Variants in CCDC175 observed in about 807,000 individuals in gnomAD.
CCDC175 encodes the protein coiled-coil domain containing 175.
A neutral mutation model predicts 114.6 loss-of-function variants in CCDC175; 100 were observed. The observed-to-expected ratio is 0.87, with a 90% CI of 0.74 to 1.03. The LOEUF (loss-of-function observed/expected upper bound fraction) is 1.03. CCDC175 is among the 50% of genes least tolerant of loss of function. The probability of loss-of-function intolerance (pLI) is 0.00; values close to 1 mark genes in which losing one functional copy is unlikely to be tolerated. For missense variants in CCDC175, 880 were observed against 917.8 expected, an observed-to-expected ratio of 0.96 and a Z score of 0.53; for synonymous variants, 306 against 308.7, an observed-to-expected ratio of 0.99 and a Z score of 0.09.
At chr14:59,576,565 C>T (rs763883386) in intron 1 of CCDC175, 54 bp downstream of exon 1, 7 of 1,362,328 alleles carry the variant, frequency 5.1e-6, no homozygotes, top group Non-Finnish European at 6.6e-6. Flanking sequence ...CTGAGTGCCT[C>T]CTAAGCGCCA....
intron 17 of CCDC175, among the ~76,000 whole-genome samples, chr14:59,518,776 T>C (rs1190216599): frequency 3.3e-5 from 5 of 152,134 alleles, no homozygotes; most frequent in African/African-American, 1.2e-4. Flanking sequence ...CTCAGGGATC[T>C]AGAACTAGAA....
At chr14:59,550,824 G>A (rs1242798429) in intron 8 of CCDC175, among the ~76,000 whole-genome samples, 1 of 152,164 alleles carries the variant, frequency 6.6e-6, no homozygotes, top group African/African-American at 2.4e-5. Flanking sequence ...TGCCCACCCA[G>A]ATTAAGGGTG....
rs1281562610 is a variant in CCDC175, at chr14:59,521,646, T to C, written c.2026A>G (p.Lys676Glu). 2 of 1,532,650 alleles carry C rather than the reference T, an allele frequency of 1.3e-6. No homozygotes were observed. Among genetic ancestry groups the C allele is most frequent in the African/African-American group, 2.7e-5 (2 of 72,886 alleles). 94.9% of individuals were successfully genotyped at this position (1,532,650 alleles called of 1,614,324 possible). A position where few individuals can be genotyped will look rare whatever the true frequency, so the allele number is the denominator to read the frequency against. ...AGGGCTTCTTGTCCTTCTCTGTATTTCTCTATGTTATTCTTCAAGTATAAA... is the reference window on the plus strand; with the variant it reads ...AGGGCTTCTTGTCCTTCTCTGTATTCCTCTATGTTATTCTTCAAGTATAAA... ...YILYLKNNIE[K>E]YREGQEALMH... is the part of the protein sequence containing the mutation. The change falls in exon 17 of 20, where the codon AAA (lysine) becomes GAA (glutamate). Residue 676 changes from lysine to glutamate, a missense_variant. By Grantham distance (56) the Lys-to-Glu change is moderately conservative. Transcript: ENST00000537690.
intron 17 of CCDC175, among the ~76,000 whole-genome samples, chr14:59,512,598 A>G (rs150194488): frequency 6.6e-6 from 1 of 152,318 alleles, no homozygotes; most frequent in African/African-American, 2.4e-5. Flanking sequence ...GAGTCCTGTG[A>G]ATCATTTTAG....
chr14:59,555,109 T>C (rs1034535341), intron 7 of CCDC175, among the ~76,000 whole-genome samples: 4 of 152,298 alleles, frequency 2.6e-5, no homozygotes, highest in Admixed American at 2.6e-4. Context: ...CCCTAACTCA[T>C]TTTATGAGGC....
Position 59,514,161 on chromosome 14 carries a change from T to C in CCDC175, c.2099-2358A>G, listed in dbSNP as rs189372246. 2.4e-3 allele frequency among the ~76,000 whole-genome samples: 366 copies of C among 152,270 alleles called. 2 individuals are homozygous for C. The highest frequency in any genetic ancestry group is 4.4e-3 in the Non-Finnish European group (297 of 68,020). ...AAAGGACATCCACACCAAAACCCCATCTGTACGTCACCATCATCAAAGACC... is the reference window on the plus strand; with the variant it reads ...AAAGGACATCCACACCAAAACCCCACCTGTACGTCACCATCATCAAAGACC... On this transcript the variant is annotated intron_variant, in intron 17 of 19. Transcript: ENST00000537690.
chr14:59,551,022 G>A (rs975536292), intron 8 of CCDC175: 3 of 167,374 alleles, frequency 1.8e-5, no homozygotes, highest in Non-Finnish European at 3.8e-5. Flanking sequence ...CACTTCACAG[G>A]CGTAGCACAC....
intron 13 of CCDC175, among the ~76,000 whole-genome samples, chr14:59,532,682 C>G (rs1337914395): frequency 6.6e-6 from 1 of 152,106 alleles, no homozygotes; most frequent in African/African-American, 2.4e-5. Context: ...CTGTGTGCTC[C>G]CCTGTTCCTT....
At chr14:59,525,506 G>T in intron 15 of CCDC175, 72 bp from the exon 16 acceptor site, 1 of 1,036,932 alleles carries the variant, frequency 9.6e-7, no homozygotes, top group Non-Finnish European at 1.3e-6. Context: ...TACTGCCTAG[G>T]TCACATTTGG....
At chr14:59,545,741 T>G (rs953337215) in intron 8 of CCDC175, among the ~76,000 whole-genome samples, 1 of 152,202 alleles carries the variant, frequency 6.6e-6, no homozygotes, top group African/African-American at 2.4e-5. Flanking sequence ...GTGTTCTACA[T>G]GAGATCAGAA....
intron 8 of CCDC175, among the ~76,000 whole-genome samples, chr14:59,547,918 T>A (rs1347612801): frequency 6.6e-6 from 1 of 152,206 alleles, no homozygotes; most frequent in Non-Finnish European, 1.5e-5. Context: ...TATTTTATAA[T>A]AACAAAGCTA....
Position 59,568,354 on chromosome 14 carries a change from T to C in CCDC175, c.382A>G (p.Asn128Asp). 2.6e-6 allele frequency: 4 copies of C among 1,529,580 alleles called. No individual in the cohort carries two copies. The highest frequency in any genetic ancestry group is 3.5e-6 in the Non-Finnish European group (4 of 1,144,570). The allele number at this position is 1,529,580 out of a possible 1,614,324, so 94.8% of individuals were successfully genotyped here. A position where few individuals can be genotyped will look rare whatever the true frequency, so the allele number is the denominator to read the frequency against. Residue 128 changes from asparagine (N) to aspartate (D), a missense_variant, in exon 4 of 20, where the codon AAT (asparagine) becomes GAT (aspartate). Asn to Asp is a conservative substitution (Grantham distance 23). Transcript: ENST00000537690. ...EECVRDARRL[N>D]LFEINTIKMR... is the part of the protein sequence containing the mutation. ...TTTATTGTATTTATCTCAAAAAGATTTAATCTGCGAGCGTCTCGGACACAT... is the reference window on the plus strand; with the variant it reads ...TTTATTGTATTTATCTCAAAAAGATCTAATCTGCGAGCGTCTCGGACACAT...
At chr14:59,531,662 G>T in intron 14 of CCDC175, 110 bp downstream of exon 14, 1 of 734,332 alleles carries the variant, frequency 1.4e-6, no homozygotes, top group Non-Finnish European at 2.1e-6. Flanking sequence ...AATGGGGAAA[G>T]TTTGGTGAGT....
intron 15 of CCDC175, among the ~76,000 whole-genome samples, chr14:59,526,492 G>A (rs1374589564): frequency 6.6e-6 from 1 of 150,616 alleles, no homozygotes; most frequent in East Asian, 1.9e-4. Flanking sequence ...GGAGGCTGAG[G>A]TTGCAGTAAG....
intron 2 of CCDC175, 67 bp from the exon 3 acceptor site, chr14:59,572,880 A>C: frequency 1.1e-6 from 1 of 901,734 alleles, no homozygotes; most frequent in South Asian, 1.8e-5. Context: ...TTCCTAAACA[A>C]TGCCCTACAA....
intron 17 of CCDC175, among the ~76,000 whole-genome samples, chr14:59,521,229 C>T (rs975326631): frequency 1.6e-4 from 24 of 152,206 alleles, no homozygotes; most frequent in Admixed American, 6.5e-5. Context: ...CAAGATTCCT[C>T]TTTCTCCTGT....
chr14:59,530,263 A>T (rs1314768148), intron 14 of CCDC175, among the ~76,000 whole-genome samples: 1 of 152,036 alleles, frequency 6.6e-6, no homozygotes, highest in East Asian at 1.9e-4. Context: ...GCTACTCAGG[A>T]GGCTGAGGCA....
rs907419339 is a variant in CCDC175 at position 59,551,382 on chromosome 14, T to G, written c.1008A>C (p.Lys336Asn). The change falls in exon 8 of 20, where the codon AAA becomes AAC. Residue 336 changes from lysine (K) to asparagine (N), a missense_variant. Transcript: ENST00000537690. ...GTTTTATCTTGTTCAGGAATTCATT[T>G]TTTTCATCATTAGATATATCATCTA... The part of the protein sequence containing the change: ...EKLDDISNDE[K>N]NEFLNKIKQL... 20 of 1,449,792 alleles carry G rather than the reference T, an allele frequency of 1.4e-5. No homozygotes were observed. Among genetic ancestry groups the G allele is most frequent in the Middle Eastern group, 2.0e-4 (1 of 5,096 alleles). 89.8% of individuals were successfully genotyped at this position (1,449,792 alleles called of 1,614,324 possible).
rs373624878 is a variant in CCDC175 at position 59,514,167 on chromosome 14, C to T, written c.2099-2364G>A. Among the ~76,000 whole-genome samples the T allele has an allele frequency of 1.3e-4, 20 of 152,250 alleles. No individual in the cohort carries two copies. In the South Asian group the frequency reaches 1.5e-3, roughly 11 times the overall value. On this transcript the variant is annotated intron_variant, in intron 17 of 19. Transcript: ENST00000537690. ...CATCCACACCAAAACCCCATCTGTA[C>T]GTCACCATCATCAAAGACCAAAGGT...
Sources: gnomAD v4.1 joint callset for allele counts (sites outside exome capture counted in the v4.1 genomes callset) on GRCh38, gnomAD v4.1.1 for gene constraint, MANE v1.5 for transcripts, NCBI Gene and HGNC (gene_info 2026-07-23, HGNC 2026-07-21) for gene names.